The following USP42 variants were observed in gnomAD, a reference collection of about 807,000 sequenced individuals.
USP42 encodes the protein ubiquitin specific peptidase 42.
A neutral mutation model predicts 113.0 loss-of-function variants in USP42; 23 were observed. The ratio of observed to expected loss-of-function variants is 0.20; its 90% CI spans 0.15 to 0.29. The LOEUF is 0.29. Among genes scored for constraint, USP42 ranks in the 10% least tolerant of loss-of-function variants. The pLI is 1.00. For synonymous variants in USP42, 933 were observed against 699.0 expected, an observed-to-expected ratio of 1.33 and a Z score of -5.28; for missense variants, 2,174 against 1,779.8, an observed-to-expected ratio of 1.22 and a Z score of -3.99.
chr7:6,133,477 A>T (rs1780960322), intron 3 of USP42, among the ~76,000 whole-genome samples: 1 of 152,030 alleles, frequency 6.6e-6, no homozygotes, highest in East Asian at 1.9e-4. Flanking sequence ...GTGGTGTCTA[A>T]TCTGTTATTA....
At chr7:6,102,477 G>A (rs780082260), upstream of USP42, among the ~76,000 whole-genome samples, 54 of 149,996 alleles carry the variant, frequency 3.6e-4, no homozygotes, top group Non-Finnish European at 6.8e-4. Context: ...GGAAAATGAA[G>A]CTGGGTTGGT....
chr7:6,114,128 A>G (rs1298824665), intron 2 of USP42, among the ~76,000 whole-genome samples: 3 of 152,138 alleles, frequency 2.0e-5, no homozygotes, highest in African/African-American at 7.2e-5. Context: ...GTACAGTGGT[A>G]CCTGATAGCC....
At chr7:6,081,444 G>T in the USP42 span, among the ~76,000 whole-genome samples, 1 of 152,136 alleles carries the variant, frequency 6.6e-6, no homozygotes, top group Admixed American at 6.6e-5. Flanking sequence ...CCCAGAACTC[G>T]TCCGCCGGAC....
intron 3 of USP42, among the ~76,000 whole-genome samples, chr7:6,127,583 T>C (rs753552675): frequency 1.3e-5 from 2 of 152,270 alleles, no homozygotes; most frequent in African/African-American, 2.4e-5. Context: ...AAAAAATTAT[T>C]TGGGCATATT....
rs754218270 is a variant in USP42, at chr7:6,147,897, C to T, written c.1386+5C>T. ...CTTCCCTCTCACATGATAAAGGTAACAGTCCTTAGGGAGAAGAACATTTTT... is the reference window on the plus strand; with the variant it reads ...CTTCCCTCTCACATGATAAAGGTAATAGTCCTTAGGGAGAAGAACATTTTT... On this transcript the variant is annotated splice_donor_5th_base_variant and intron_variant, in intron 12 of 17. Coordinates refer to ENST00000306177, the MANE Select transcript of USP42 (RefSeq NM_032172.3). 9.4e-6 allele frequency: 15 copies of T among 1,598,420 alleles called. No individual in the cohort carries two copies. The East Asian group carries it at 2.9e-4, about 31-fold the overall frequency.
chr7:6,115,325 C>G lies in USP42; in HGVS notation c.244C>G (p.Leu82Val), dbSNP rs1488095203. 3 of 1,613,700 alleles carry G rather than the reference C, an allele frequency of 1.9e-6. No homozygotes were observed. The highest frequency in any genetic ancestry group is 2.7e-5 in the African/African-American group (2 of 74,924). ...SKPSPQKDQA[L>V]GDGIAPPQKV... Reference sequence around the variant, plus strand: ...CTCTTTCTTGTTTATTTTTCTAGCCCTAGGTGATGGCATCGCTCCTCCACA... The same window carrying G: ...CTCTTTCTTGTTTATTTTTCTAGCCGTAGGTGATGGCATCGCTCCTCCACA... Residue 82 changes from leucine to valine, a missense_variant and splice_region_variant, in exon 3 of 18, where the codon CTA becomes GTA. Physicochemically the swap from Leu to Val is conservative, Grantham distance 32 (BLOSUM62 1). Transcript: ENST00000306177.
At position 6,154,132 on chromosome 7, in the gene USP42, C is replaced by G. The variant is rs763643443; in HGVS notation, c.2578C>G (p.Pro860Ala). 6.3e-7 allele frequency: 1 copy of G among 1,598,234 alleles called. No individual in the cohort carries two copies. Among genetic ancestry groups the G allele is most frequent in the Non-Finnish European group, 8.5e-7 (1 of 1,174,142 alleles). Residue 860 changes from proline (P) to alanine (A), a missense_variant, in exon 15 of 18, where the codon CCT becomes GCT. Coordinates refer to ENST00000306177, the MANE Select transcript of USP42 (RefSeq NM_032172.3). ...EAPEGLSPAP[P>A]ARSEEPCEQP... ...CCCGGAAGGGTTGAGTCCGGCTCCG[C>G]CTGCGCGGTCGGAGGAGCCCTGCGA...
At position 6,159,581 on chromosome 7, in the gene USP42, T is replaced by G; in HGVS notation, c.*36+88T>G. On this transcript the variant is annotated intron_variant, in intron 17 of 17. Coordinates refer to ENST00000306177, the MANE Select transcript of USP42 (RefSeq NM_032172.3). The surrounding 1 kb of genome is among the most constrained non-coding windows in gnomAD (Gnocchi z 4.1). ...GGAGTTTTAATTCTGCGGCTCTGCCTGGGGGCTGGGCTCATAGGAGTTGGC... is the reference window on the plus strand; with the variant it reads ...GGAGTTTTAATTCTGCGGCTCTGCCGGGGGGCTGGGCTCATAGGAGTTGGC... The G allele has an allele frequency of 7.3e-7, 1 of 1,364,350 alleles. No homozygotes were observed. The highest frequency in any genetic ancestry group is 1.0e-6 in the Non-Finnish European group (1 of 972,156). The allele number at this position is 1,364,350 out of a possible 1,614,324, so 84.5% of individuals were successfully genotyped here. A position where few individuals can be genotyped will look rare whatever the true frequency, so the allele number is the denominator to read the frequency against.
chr7:6,129,055 G>T (rs943626659), intron 3 of USP42, among the ~76,000 whole-genome samples: 2 of 152,048 alleles, frequency 1.3e-5, no homozygotes, highest in Admixed American at 1.3e-4. Context: ...CAGGCCATCC[G>T]CCCACCTCAG....
At chr7:6,102,109 ATT>A (rs370131326), upstream of USP42, among the ~76,000 whole-genome samples, 25,458 of 121,496 alleles carry the variant, frequency 0.21, 2,759 homozygotes, top group African/African-American at 0.32. Flanking sequence ...GTCTCCTAAG[ATT>A]TTTTTTTTTT....
chr7:6,156,406 G>A (rs1266818509), intron 15 of USP42, among the ~76,000 whole-genome samples: 1 of 152,128 alleles, frequency 6.6e-6, no homozygotes, highest in Admixed American at 6.5e-5. Context: ...AGCTAAAGTT[G>A]GTGAATTTAT....
chr7:6,145,502 C>T lies in USP42; in HGVS notation c.991-14C>T. 1 of 1,613,842 alleles carries T rather than the reference C, an allele frequency of 6.2e-7. No individual in the cohort carries two copies. ...GCCCTCGGAAATGTTTCTCCTGTTT[C>T]CATTTCCTTCTAGGATGTGAAATAC... On this transcript the variant is annotated splice_polypyrimidine_tract_variant and intron_variant, in intron 9 of 17. Transcript: ENST00000306177.
chr7:6,122,750 G>T (rs140449262), intron 3 of USP42, among the ~76,000 whole-genome samples: 2 of 150,252 alleles, frequency 1.3e-5, no homozygotes, highest in Non-Finnish European at 3.0e-5. Flanking sequence ...GATTACAGGC[G>T]TGAGTCACTG....
chr7:6,147,730 T>C lies in USP42; in HGVS notation c.1233-9T>C, dbSNP rs1299747878. 6.4e-7 allele frequency: 1 copy of C among 1,571,112 alleles called. No individual in the cohort carries two copies. On this transcript the variant is annotated splice_polypyrimidine_tract_variant and intron_variant, in intron 11 of 17. Transcript: ENST00000306177. Reference sequence around the variant, plus strand: ...GTGTCACCCTAAGTATCGCTCTCCTTGTTTCCAGGTCCCATGATGTGAAAA... The same window carrying C: ...GTGTCACCCTAAGTATCGCTCTCCTCGTTTCCAGGTCCCATGATGTGAAAA...
the USP42 span, among the ~76,000 whole-genome samples, chr7:6,083,012 C>T: frequency 6.7e-6 from 1 of 148,650 alleles, no homozygotes; most frequent in Non-Finnish European, 1.5e-5. Context: ...CAACCTCTGC[C>T]TCCTGGGTTC....
At chr7:6,155,852 A>C (rs1019305888) in intron 15 of USP42, among the ~76,000 whole-genome samples, 1 of 152,142 alleles carries the variant, frequency 6.6e-6, no homozygotes, top group Non-Finnish European at 1.5e-5. Context: ...CCTGGGCTCA[A>C]ATGATATTTC....
At position 6,154,969 on chromosome 7, in the gene USP42, C is replaced by A; in HGVS notation, c.3415C>A (p.Leu1139Ile). Residue 1139 changes from leucine (L) to isoleucine (I), a missense_variant, in exon 15 of 18, where the codon CTT becomes ATT. Coordinates refer to ENST00000306177, the MANE Select transcript of USP42 (RefSeq NM_032172.3). ...CCGCTTCTCCCACGACAGAACTGCA[C>A]TTGTAGCCGGAGACAACTGTAACCT... ...PDRFSHDRTA[L>I]VAGDNCNLSD... The A allele has an allele frequency of 6.4e-7, 1 of 1,561,012 alleles. No homozygotes were observed. Among genetic ancestry groups the A allele is most frequent in the African/African-American group, 1.4e-5 (1 of 73,658 alleles).
At chr7:6,119,819 T>C (rs1322186051) in intron 3 of USP42, among the ~76,000 whole-genome samples, 1 of 152,108 alleles carries the variant, frequency 6.6e-6, no homozygotes, top group African/African-American at 2.4e-5. Flanking sequence ...TCCCCTTGCC[T>C]CAGCCTCATG....
chr7:6,145,305 T>A (rs1429509048), intron 9 of USP42, among the ~76,000 whole-genome samples: 1 of 150,292 alleles, frequency 6.7e-6, no homozygotes, highest in African/African-American at 2.5e-5. Flanking sequence ...CACTCCAGCC[T>A]GGGTGATAGA....
Sources: gnomAD v4.1 joint callset for allele counts (sites outside exome capture counted in the v4.1 genomes callset) on GRCh38, gnomAD v4.1.1 for gene constraint, Gnocchi (gnomAD v3.1) non-coding constraint, MANE v1.5 for transcripts, NCBI Gene and HGNC (gene_info 2026-07-23, HGNC 2026-07-21) for gene names.